COLEC12: variants seen among roughly 807,000 people sequenced by gnomAD.
The protein encoded by COLEC12 is collectin-12.
Under a neutral mutation model 71.1 loss-of-function variants are expected in COLEC12, and 33 were observed. The ratio of observed to expected loss-of-function variants is 0.46; its 90% CI spans 0.35 to 0.62. The LOEUF (loss-of-function observed/expected upper bound fraction) is 0.62. Ranked by LOEUF, COLEC12 falls within the 20% of genes least tolerant of loss-of-function variation. COLEC12 has a pLI of 0.00. For missense variants in COLEC12, 765 were observed against 916.1 expected (o/e 0.84, Z 2.13); for synonymous variants, 350 against 353.0 (o/e 0.99, Z 0.10).
At chr18:360,372 G>A (rs939226242) in intron 2 of COLEC12, among the ~76,000 whole-genome samples, 1 of 151,828 alleles carries the variant, frequency 6.6e-6, no homozygotes, top group Non-Finnish European at 1.5e-5. Flanking sequence ...TAGTAGAAAC[G>A]GGGTTTCACC....
intron 2 of COLEC12, among the ~76,000 whole-genome samples, chr18:477,908 T>C (rs1476203896): frequency 6.6e-6 from 1 of 152,206 alleles, no homozygotes; most frequent in Non-Finnish European, 1.5e-5. Flanking sequence ...ATCAACCTGC[T>C]GCATGGAAGG....
intron 2 of COLEC12, among the ~76,000 whole-genome samples, chr18:440,997 C>T (rs1357471060): frequency 6.6e-6 from 1 of 151,884 alleles, no homozygotes; most frequent in African/African-American, 2.4e-5. Flanking sequence ...GCCTGTAATC[C>T]CAGCACTTTG....
rs1164823039 is a variant in COLEC12 at position 327,557 on chromosome 18, A to C, written c.2063+4111T>G. ...CTGAGCTCAATCTGTGTGTCCCCTA[A>C]GCCTTTGGCTTCTGTTCCATGTCAC... On this transcript the variant is annotated intron_variant, in intron 8 of 9. Transcript: ENST00000400256. This position sits in a 1 kb window ranked among gnomAD's most constrained non-coding sequence, Gnocchi z 4.0. Among the ~76,000 whole-genome samples the C allele has an allele frequency of 6.6e-6, 1 of 152,196 alleles. No individual in the cohort carries two copies. The highest frequency in any genetic ancestry group is 1.5e-5 in the Non-Finnish European group (1 of 68,038).
intron 2 of COLEC12, among the ~76,000 whole-genome samples, chr18:401,879 G>A (rs956045021): frequency 8.5e-5 from 13 of 152,088 alleles, no homozygotes; most frequent in Non-Finnish European, 1.2e-4. Flanking sequence ...GAAACTTGGC[G>A]GACCTGAGAG....
chr18:326,462 C>T (rs1043697647), intron 8 of COLEC12, among the ~76,000 whole-genome samples: 4 of 152,284 alleles, frequency 2.6e-5, no homozygotes, highest in Non-Finnish European at 4.4e-5. Flanking sequence ...ATTCTCCTGC[C>T]TCAGCCTCCC....
intron 2 of COLEC12, among the ~76,000 whole-genome samples, chr18:442,082 G>GTGAGACTCTCTCTCTCTAC (rs1916554019): frequency 2.0e-5 from 3 of 151,328 alleles, no homozygotes; most frequent in African/African-American, 7.3e-5. Context: ...TGGGGACTGA[G>GTGAGACTCTCTCTCTCTAC]AAGGTTATGG....
intron 2 of COLEC12, among the ~76,000 whole-genome samples, chr18:406,805 T>C (rs538778308): frequency 6.2e-4 from 94 of 152,338 alleles, no homozygotes; most frequent in African/African-American, 2.2e-3. Flanking sequence ...CTTGTGTCGT[T>C]GTGTAATTAC....
At chr18:439,485 A>G (rs746170986) in intron 2 of COLEC12, among the ~76,000 whole-genome samples, 12 of 126,628 alleles carry the variant, frequency 9.5e-5, no homozygotes, top group Non-Finnish European at 1.5e-4. Context: ...TATGGTCTCC[A>G]GAAGCAGAGA....
At position 399,658 on chromosome 18, in the gene COLEC12, G is replaced by A. The variant is rs1041185591; in HGVS notation, c.59-42136C>T. Among the ~76,000 whole-genome samples, 2 of 152,266 alleles carry A rather than the reference G, an allele frequency of 1.3e-5. No individual in the cohort carries two copies. The highest frequency in any genetic ancestry group is 1.9e-4 in the East Asian group (1 of 5,190). On this transcript the variant is annotated intron_variant, in intron 2 of 9. Transcript: ENST00000400256. This position sits in a 1 kb window ranked among gnomAD's most constrained non-coding sequence, Gnocchi z 4.0. Reference sequence around the variant, plus strand: ...TTTTAATCTGAGTTAAAATGCAGCCGCTTTGGGGAAGAACCCTACTTTGTG... The same window carrying A: ...TTTTAATCTGAGTTAAAATGCAGCCACTTTGGGGAAGAACCCTACTTTGTG...
At chr18:401,679 T>C (rs1320263621) in intron 2 of COLEC12, among the ~76,000 whole-genome samples, 1 of 152,240 alleles carries the variant, frequency 6.6e-6, no homozygotes, top group Non-Finnish European at 1.5e-5. Context: ...CTTACAAAGT[T>C]GGGTTATCAT....
At chr18:409,419 A>G (rs1441640093) in intron 2 of COLEC12, among the ~76,000 whole-genome samples, 1 of 152,140 alleles carries the variant, frequency 6.6e-6, no homozygotes, top group Non-Finnish European at 1.5e-5. Flanking sequence ...CTGTAATCCC[A>G]GCTACTCGGG....
At chr18:336,818 G>A (rs773711311) in intron 5 of COLEC12, among the ~76,000 whole-genome samples, 2 of 151,968 alleles carry the variant, frequency 1.3e-5, no homozygotes, top group Non-Finnish European at 2.9e-5. Flanking sequence ...TAAGTAAAAG[G>A]CCACACTTAA....
intron 1 of COLEC12, among the ~76,000 whole-genome samples, chr18:486,832 G>T (rs1040791365): frequency 6.6e-6 from 1 of 152,234 alleles, no homozygotes; most frequent in African/African-American, 2.4e-5. Flanking sequence ...TGTTGGCAAA[G>T]ATAGGGAGAA....
chr18:454,114 C>T (rs1302037120), intron 2 of COLEC12, among the ~76,000 whole-genome samples: 3 of 152,098 alleles, frequency 2.0e-5, no homozygotes, highest in Non-Finnish European at 4.4e-5. Flanking sequence ...CCATAGACTC[C>T]AAAGCCCTCC....
intron 2 of COLEC12, among the ~76,000 whole-genome samples, chr18:384,117 CAT>C (rs1915292878): frequency 6.6e-6 from 1 of 152,164 alleles, no homozygotes; most frequent in African/African-American, 2.4e-5. Flanking sequence ...AGACAAACCA[CAT>C]CAGTGGTTCT....
intron 8 of COLEC12, among the ~76,000 whole-genome samples, chr18:324,490 A>C (rs1189577515): frequency 3.3e-5 from 5 of 151,998 alleles, no homozygotes; most frequent in African/African-American, 1.2e-4. Flanking sequence ...CTGGAAACAC[A>C]CACACACACA....
intron 2 of COLEC12, among the ~76,000 whole-genome samples, chr18:376,928 G>A (rs1012420612): frequency 1.3e-5 from 2 of 152,246 alleles, no homozygotes; most frequent in Non-Finnish European, 2.9e-5. Flanking sequence ...AATGCATGCA[G>A]CAGAGAATGT....
chr18:365,103 C>T (rs1389651713), intron 2 of COLEC12, among the ~76,000 whole-genome samples: 1 of 152,068 alleles, frequency 6.6e-6, no homozygotes, highest in Non-Finnish European at 1.5e-5. Context: ...GGTGCGGAAA[C>T]ATCCTTTCAC....
intron 2 of COLEC12, among the ~76,000 whole-genome samples, chr18:359,249 G>T (rs1283420192): frequency 6.6e-6 from 1 of 152,186 alleles, no homozygotes; most frequent in African/African-American, 2.4e-5. Context: ...CCTGCAGGGA[G>T]TATTTACACC....
Sources: gnomAD v4.1 joint callset for allele counts (sites outside exome capture counted in the v4.1 genomes callset) on GRCh38, gnomAD v4.1.1 for gene constraint, Gnocchi (gnomAD v3.1) non-coding constraint, MANE v1.5 for transcripts, NCBI Gene and HGNC (gene_info 2026-07-23, HGNC 2026-07-21) for gene names.